UNC79: variants seen among roughly 807,000 people sequenced by gnomAD.
The protein encoded by UNC79 is protein unc-79 homolog.
Under a neutral mutation model 283.1 loss-of-function variants are expected in UNC79, and 37 were observed. The ratio of observed to expected loss-of-function variants is 0.13; its 90% CI spans 0.10 to 0.17. The LOEUF is 0.17. Ranked by LOEUF, UNC79 falls within the 10% of genes least tolerant of loss-of-function variation. The pLI is 1.00. For missense variants in UNC79, 2,272 were observed against 3,211.1 expected, an observed-to-expected ratio of 0.71 and a Z score of 7.07; for synonymous variants, 1,107 against 1,200.2, an observed-to-expected ratio of 0.92 and a Z score of 1.61.
intron 1 of UNC79, among the ~76,000 whole-genome samples, chr14:93,385,080 T>C (rs1412250275): frequency 6.6e-6 from 1 of 152,254 alleles, no homozygotes; most frequent in African/African-American, 2.4e-5. Flanking sequence ...CTTTGGTTAC[T>C]ATAGCTCTGT....
intron 7 of UNC79, among the ~76,000 whole-genome samples, chr14:93,512,629 T>C (rs549843793): frequency 1.3e-5 from 2 of 152,284 alleles, no homozygotes; most frequent in African/African-American, 4.8e-5. Context: ...GATCCTTTCT[T>C]CTGCTGCGTC....
At chr14:93,529,571 C>G (rs75917578) in intron 10 of UNC79, among the ~76,000 whole-genome samples, 1 of 152,128 alleles carries the variant, frequency 6.6e-6, no homozygotes. Context: ...GGATTCCATA[C>G]GACTAAAGCC....
At chr14:93,548,749 T>C (rs1456398566) in intron 14 of UNC79, among the ~76,000 whole-genome samples, 1 of 152,236 alleles carries the variant, frequency 6.6e-6, no homozygotes, top group Non-Finnish European at 1.5e-5. Context: ...AATTGCTCTT[T>C]TTCCTGTAAC....
intron 40 of UNC79, 125 bp downstream of exon 43, chr14:93,662,839 C>T (rs1303618408): frequency 8.2e-6 from 5 of 608,072 alleles, no homozygotes; most frequent in Non-Finnish European, 1.4e-5. Context: ...AGTAATTCTA[C>T]TGAGGTCTAA....
At position 93,543,495 on chromosome 14, in the gene UNC79, C is replaced by A. The variant is rs115520159; in HGVS notation, c.1755+799C>A. Among the ~76,000 whole-genome samples the A allele has an allele frequency of 2.3e-3, 343 of 151,976 alleles. 1 individual carries two copies. The highest frequency in any genetic ancestry group is 7.8e-3 in the African/African-American group (323 of 41,464). On this transcript the variant is annotated intron_variant, in intron 14 of 48. Coordinates refer to ENST00000555664, the Ensembl canonical transcript of UNC79. ...CTGGGCTCAAGAGATCCTCCCACCT[C>A]AGAGACTACAGGCATGCATCACCAC...
intron 40 of UNC79, 122 bp downstream of exon 43, chr14:93,662,836 C>A: frequency 1.6e-6 from 1 of 607,380 alleles, no homozygotes; most frequent in African/African-American, 1.8e-5. Context: ...ATGAGTAATT[C>A]TACTGAGGTC....
At position 93,467,664 on chromosome 14, in the gene UNC79, T is replaced by TTTTTTTTTTTTTTTTTCC; in HGVS notation, c.23-7_23-6insTTTTTTTTTTTTTTTTCC. 1 of 1,224,142 alleles carries TTTTTTTTTTTTTTTTTCC rather than the reference T, an allele frequency of 8.2e-7. No homozygotes were observed. Among genetic ancestry groups the TTTTTTTTTTTTTTTTTCC allele is most frequent in the Non-Finnish European group, 1.0e-6 (1 of 979,754 alleles). 75.8% of individuals were successfully genotyped at this position (1,224,142 alleles called of 1,614,324 possible). ...TTTTTTTTTTTTTTTTTTTTGCTTT[T>TTTTTTTTTTTTTTTTTCC]ATCTAGTTGCTTCCAAGATCCGGTA... is the stretch of plus-strand genomic sequence containing the variant. On this transcript the variant is annotated splice_region_variant and splice_polypyrimidine_tract_variant and intron_variant, in intron 1 of 48. Coordinates refer to ENST00000555664, the Ensembl canonical transcript of UNC79.
At position 93,650,962 on chromosome 14, in the gene UNC79, G is replaced by A. The variant is rs191041229; in HGVS notation, c.6084-2780G>A. Among the ~76,000 whole-genome samples, 1,351 of 152,166 alleles carry A rather than the reference G, an allele frequency of 8.9e-3. 24 individuals carry two copies. Among genetic ancestry groups the A allele is most frequent in the African/African-American group, 0.031 (1,271 of 41,506 alleles). On this transcript the variant is annotated intron_variant, in intron 35 of 48. Transcript: ENST00000555664. ...AAACCCATCTCAAATTAATTTTTAT[G>A]TATGGTGTGAGGCAGCAGTAGGAGT... is the stretch of plus-strand genomic sequence containing the variant.
At position 93,621,802 on chromosome 14, in the gene UNC79, A is replaced by C. The variant is rs749816779; in HGVS notation, c.4569A>C (p.Ile1523=). 1.9e-6 allele frequency: 3 copies of C among 1,614,024 alleles called. No homozygotes were observed. The East Asian group carries it at 6.7e-5, about 36-fold the overall frequency. Residue 1523 remains isoleucine, a synonymous_variant, in exon 30 of 49, where the codon ATA becomes ATC. Coordinates refer to ENST00000555664, the Ensembl canonical transcript of UNC79. This position sits in a 1 kb window ranked among gnomAD's most constrained non-coding sequence, Gnocchi z 4.8. ...ACGAACATCGTAGGAAGTCGTGCATAGATCGGTGTGACATAGAGAAGCCTC... is the reference window on the plus strand; with the variant it reads ...ACGAACATCGTAGGAAGTCGTGCATCGATCGGTGTGACATAGAGAAGCCTC...
chr14:93,547,504 T>C (rs1230471910), intron 14 of UNC79, among the ~76,000 whole-genome samples: 1 of 152,236 alleles, frequency 6.6e-6, no homozygotes, highest in Non-Finnish European at 1.5e-5. Context: ...TTTGAGTACT[T>C]GATTAACCAA....
At chr14:93,452,537 C>T (rs552892815) in intron 1 of UNC79, among the ~76,000 whole-genome samples, 2 of 152,004 alleles carry the variant, frequency 1.3e-5, no homozygotes, top group Non-Finnish European at 2.9e-5. Context: ...TACAGGTGCT[C>T]ACCACCATGC....
At chr14:93,612,811 G>C in exon 27 of UNC79, 1 of 1,613,620 alleles carries the variant, frequency 6.2e-7, no homozygotes, top group Non-Finnish European at 8.5e-7. Context: ...ACAATCTCCT[G>C]AGAATGACAA....
In UNC79 at chr14:93,688,860, G is replaced by C; in HGVS notation, c.7085+20G>C. The stretch of plus-strand genomic sequence containing the variant: ...GCAAGGGTAAGACCCTTACTATTCC[G>C]GGAATGAGGGTAAAGAAGGCAGGAG... On this transcript the variant is annotated intron_variant, in intron 44 of 48. Coordinates refer to ENST00000555664, the Ensembl canonical transcript of UNC79. This position sits in a 1 kb window ranked among gnomAD's most constrained non-coding sequence, Gnocchi z 4.0. 1 of 1,607,594 alleles carries C rather than the reference G, an allele frequency of 6.2e-7. No homozygotes were observed. The highest frequency in any genetic ancestry group is 8.5e-7 in the Non-Finnish European group (1 of 1,176,396).
chr14:93,468,689 C>T (rs145724424), intron 2 of UNC79, among the ~76,000 whole-genome samples: 238 of 152,290 alleles, frequency 1.6e-3, no homozygotes, highest in African/African-American at 5.5e-3. Context: ...GAATGCTTTG[C>T]GGATGGAAGC....
At position 93,366,091 on chromosome 14, in the gene UNC79, A is replaced by C. The variant is rs1470558142; in HGVS notation, c.-351+32568A>C. Reference sequence around the variant, plus strand: ...ATGAAACAACACTTTCAAAGATAGAAAAGAAAATGATTTTTTAACCAATTA... The same window carrying C: ...ATGAAACAACACTTTCAAAGATAGACAAGAAAATGATTTTTTAACCAATTA... On this transcript the variant is annotated intron_variant, in intron 1 of 49. Coordinates refer to the UNC79 transcript ENST00000256339. 2.0e-5 allele frequency among the ~76,000 whole-genome samples: 3 copies of C among 152,344 alleles called. No homozygotes were observed. The East Asian group carries it at 5.8e-4, about 29-fold the overall frequency.
chr14:93,409,301 C>G (rs2055288909), intron 1 of UNC79, among the ~76,000 whole-genome samples: 1 of 151,962 alleles, frequency 6.6e-6, no homozygotes, highest in Non-Finnish European at 1.5e-5. Flanking sequence ...AAATAATATT[C>G]CATTCAAAAT....
intron 1 of UNC79, among the ~76,000 whole-genome samples, chr14:93,382,329 G>A (rs1357230701): frequency 6.6e-6 from 1 of 152,050 alleles, no homozygotes. Context: ...ATGTGTAAGA[G>A]TATGTGGTAG....
intron 1 of UNC79, among the ~76,000 whole-genome samples, chr14:93,336,895 G>A (rs530540049): frequency 3.1e-4 from 47 of 152,162 alleles, no homozygotes; most frequent in Non-Finnish European, 5.6e-4. Context: ...GTGGGACCTG[G>A]TGGGAGGTGT....
chr14:93,336,949 C>T (rs1003093081), intron 1 of UNC79, among the ~76,000 whole-genome samples: 2 of 152,082 alleles, frequency 1.3e-5, no homozygotes, highest in Non-Finnish European at 1.5e-5. Context: ...TTCACACTAT[C>T]CCCTTGTGAT....
Sources: allele counts gnomAD v4.1 joint callset (sites outside exome capture counted in the v4.1 genomes callset), GRCh38; gene constraint gnomAD v4.1.1; non-coding constraint Gnocchi (gnomAD v3.1); transcripts MANE v1.5; gene names NCBI Gene and HGNC (gene_info 2026-07-23, HGNC 2026-07-21).